Variants in RAB33B observed in about 807,000 individuals in gnomAD.
RAB33B encodes the protein ras-related protein Rab-33B.
In RAB33B, 6 loss-of-function variants were observed where a neutral mutation model predicts 15.0. The ratio of observed to expected loss-of-function variants is 0.40; its 90% CI spans 0.22 to 0.79. The LOEUF is 0.79. Among genes scored for constraint, RAB33B ranks in the 30% least tolerant of loss-of-function variants. RAB33B has a pLI of 0.37. For missense variants in RAB33B, 257 were observed against 296.4 expected, an observed-to-expected ratio of 0.87 and a Z score of 0.98; for synonymous variants, 117 against 108.3, an observed-to-expected ratio of 1.08 and a Z score of -0.50.
Position 139,454,304 on chromosome 4 carries a change from A to G in RAB33B, c.109A>G (p.Ile37Val). The G allele has an allele frequency of 6.2e-7, 1 of 1,614,072 alleles. No homozygotes were observed. Among genetic ancestry groups the G allele is most frequent in the Non-Finnish European group, 8.5e-7 (1 of 1,179,994 alleles). ...TGCCCGCTCCCGCATCTTCAAGATAATCGTGATCGGCGACTCCAATGTGGG... is the reference window on the plus strand; with the variant it reads ...TGCCCGCTCCCGCATCTTCAAGATAGTCGTGATCGGCGACTCCAATGTGGG... ...PPARSRIFKI[I>V]VIGDSNVGKT... The change falls in exon 1 of 2, where the codon ATC becomes GTC. Residue 37 changes from isoleucine to valine, a missense_variant. By Grantham distance (29) the Ile-to-Val change is conservative. Coordinates refer to ENST00000305626, the MANE Select transcript of RAB33B (RefSeq NM_031296.3).
chr4:139,465,391 T>C (rs1025344275), intron 1 of RAB33B, among the ~76,000 whole-genome samples: 2 of 152,248 alleles, frequency 1.3e-5, no homozygotes, highest in Non-Finnish European at 1.5e-5. Context: ...CTCTTTAGTT[T>C]AATTAGATTC....
the RAB33B span, among the ~76,000 whole-genome samples, chr4:139,443,995 T>C: frequency 1.3e-5 from 2 of 152,048 alleles, no homozygotes; most frequent in Non-Finnish European, 2.9e-5. Flanking sequence ...CCCCTAGAGG[T>C]GAGGTTCAGA....
intron 1 of RAB33B, among the ~76,000 whole-genome samples, chr4:139,455,826 G>A (rs1384790684): frequency 6.6e-6 from 1 of 152,186 alleles, no homozygotes; most frequent in Non-Finnish European, 1.5e-5. Context: ...TGGGAAGTAC[G>A]TGGGCTTTGG....
At chr4:139,440,529 C>G in the RAB33B span, among the ~76,000 whole-genome samples, 1 of 152,120 alleles carries the variant, frequency 6.6e-6, no homozygotes, top group Non-Finnish European at 1.5e-5. Context: ...GCAAACCACT[C>G]TAGGAACATG....
the RAB33B span, among the ~76,000 whole-genome samples, chr4:139,439,280 G>A: frequency 3.3e-5 from 5 of 152,172 alleles, no homozygotes; most frequent in Admixed American, 2.0e-4. Flanking sequence ...GATTACAGGC[G>A]TGAGCCACTG....
At chr4:139,463,239 A>T (rs551969442) in intron 1 of RAB33B, among the ~76,000 whole-genome samples, 17 of 152,326 alleles carry the variant, frequency 1.1e-4, no homozygotes, top group African/African-American at 3.6e-4. Flanking sequence ...ATGTCAGCTA[A>T]CCGCAACCTC....
chr4:139,466,849 G>A (rs1009321209), intron 1 of RAB33B, among the ~76,000 whole-genome samples: 1 of 151,762 alleles, frequency 6.6e-6, no homozygotes, highest in Non-Finnish European at 1.5e-5. Flanking sequence ...CAAAGTGCTG[G>A]GATTACAGGC....
Position 139,474,651 on chromosome 4 carries a change from A to T in RAB33B, c.*1525A>T, listed in dbSNP as rs1438995327. 2.0e-5 allele frequency: 3 copies of T among 152,806 alleles called. No individual in the cohort carries two copies. The highest frequency in any genetic ancestry group is 4.4e-5 in the Non-Finnish European group (3 of 68,032). 9.5% of individuals were successfully genotyped at this position (152,806 alleles called of 1,614,324 possible). A position where few individuals can be genotyped will look rare whatever the true frequency, so the allele number is the denominator to read the frequency against. ...CCTCAGTATGAAAAATAAATTAGATATTGAAAAATGTCTAAACTTCAGTGA... is the reference window on the plus strand; with the variant it reads ...CCTCAGTATGAAAAATAAATTAGATTTTGAAAAATGTCTAAACTTCAGTGA... On this transcript the variant is annotated 3_prime_UTR_variant, in exon 2 of 2. Transcript: ENST00000305626.
At chr4:139,450,868 A>T (rs965902673), upstream of RAB33B, 1 of 151,520 alleles carries the variant, frequency 6.6e-6, no homozygotes, top group Non-Finnish European at 1.5e-5. Context: ...CTTATTTTGT[A>T]TATAAGATTA....
At chr4:139,439,126 G>A in the RAB33B span, among the ~76,000 whole-genome samples, 1 of 152,030 alleles carries the variant, frequency 6.6e-6, no homozygotes, top group Non-Finnish European at 1.5e-5. Flanking sequence ...CATTCTCCTG[G>A]AGTAGCTGGG....
At chr4:139,464,992 T>G (rs1458148202) in intron 1 of RAB33B, among the ~76,000 whole-genome samples, 1 of 152,246 alleles carries the variant, frequency 6.6e-6, no homozygotes, top group South Asian at 2.1e-4. Context: ...TGAAGTAGTT[T>G]ACAGTCCCAC....
chr4:139,465,719 C>T (rs1223369761), intron 1 of RAB33B, among the ~76,000 whole-genome samples: 7 of 134,296 alleles, frequency 5.2e-5, no homozygotes, highest in African/African-American at 2.2e-4. Context: ...ACTTCTTCTT[C>T]TTCTTTTTTT....
chr4:139,451,825 A>G (rs1049240239), upstream of RAB33B: 15 of 152,372 alleles, frequency 9.8e-5, no homozygotes, highest in African/African-American at 3.6e-4. Flanking sequence ...GCTGTGTAGC[A>G]AAGTATTAAG....
At chr4:139,457,673 G>C (rs181611005) in intron 1 of RAB33B, among the ~76,000 whole-genome samples, 1 of 152,060 alleles carries the variant, frequency 6.6e-6, no homozygotes, top group African/African-American at 2.4e-5. Flanking sequence ...ATTATGATAC[G>C]GCACAAGGGT....
chr4:139,457,604 G>A lies in RAB33B; in HGVS notation c.249+3160G>A, dbSNP rs184135736. On this transcript the variant is annotated intron_variant, in intron 1 of 1. Transcript: ENST00000305626. ...ATAATCAGGACCTCTCCCCACACTG[G>A]TAAAACAAATATTTAATGAGTAATT... is the stretch of plus-strand genomic sequence containing the variant. Among the ~76,000 whole-genome samples the A allele has an allele frequency of 5.3e-5, 8 of 152,206 alleles. No homozygotes were observed. The East Asian group carries it at 1.5e-3, about 29-fold the overall frequency.
intron 1 of RAB33B, among the ~76,000 whole-genome samples, chr4:139,460,806 G>T (rs1750157078): frequency 6.6e-6 from 1 of 152,200 alleles, no homozygotes; most frequent in African/African-American, 2.4e-5. Flanking sequence ...CCTGGGGCTG[G>T]CATGGTGTAA....
intron 1 of RAB33B, among the ~76,000 whole-genome samples, chr4:139,465,815 G>C (rs559792006): frequency 6.7e-6 from 1 of 148,622 alleles, no homozygotes; most frequent in East Asian, 2.0e-4. Flanking sequence ...CTGCAGCCTT[G>C]ATCTCCTGGG....
chr4:139,463,698 G>GTGTC (rs753478320), intron 1 of RAB33B, among the ~76,000 whole-genome samples: 9 of 152,108 alleles, frequency 5.9e-5, no homozygotes, highest in Non-Finnish European at 1.0e-4. Flanking sequence ...TTTTCGCCTA[G>GTGTC]TGTCTGTCTG....
intron 1 of RAB33B, among the ~76,000 whole-genome samples, chr4:139,466,087 C>G (rs1750278771): frequency 6.6e-6 from 1 of 152,102 alleles, no homozygotes; most frequent in Non-Finnish European, 1.5e-5. Context: ...TCAAGTAATC[C>G]TCTCACCTCA....
Sources: gnomAD v4.1 joint callset for allele counts (sites outside exome capture counted in the v4.1 genomes callset) on GRCh38, gnomAD v4.1.1 for gene constraint, MANE v1.5 for transcripts, NCBI Gene and HGNC (gene_info 2026-07-23, HGNC 2026-07-21) for gene names.